Variants in PM20D1 observed in about 807,000 individuals in gnomAD.
PM20D1 encodes the protein N-fatty-acyl-amino acid synthase/hydrolase PM20D1.
A neutral mutation model predicts 53.8 loss-of-function variants in PM20D1; 53 were observed. The observed-to-expected ratio is 0.98, with a 90% CI of 0.79 to 1.24. PM20D1 has a LOEUF of 1.24. Ranked by LOEUF, PM20D1 falls within the 50% of genes most tolerant of loss-of-function variation. The pLI, the probability that PM20D1 is intolerant of heterozygous loss-of-function variation, is 0.00. For synonymous variants in PM20D1, 239 were observed against 241.3 expected (o/e 0.99, Z 0.09); for missense variants, 564 against 616.8 (o/e 0.91, Z 0.91).
At position 205,828,472 on chromosome 1, in the gene PM20D1, G is replaced by C. The variant is rs1011156039; in HGVS notation, c.*148C>G. ...GCTGACTTTACCTTACCCCGGCCTT[G>C]TTCTTGGGAGAGTTTAAGAGTGAGC... On this transcript the variant is annotated 3_prime_UTR_variant, in exon 13 of 13. Transcript: ENST00000367136. 8.5e-7 allele frequency: 1 copy of C among 1,182,006 alleles called. No homozygotes were observed. Among genetic ancestry groups the C allele is most frequent in the African/African-American group, 1.5e-5 (1 of 64,624 alleles). 73.2% of individuals were successfully genotyped at this position (1,182,006 alleles called of 1,614,324 possible). A position where few individuals can be genotyped will look rare whatever the true frequency, so the allele number is the denominator to read the frequency against.
intron 10 of PM20D1, among the ~76,000 whole-genome samples, chr1:205,839,166 C>T (rs556982715): frequency 7.9e-5 from 12 of 152,330 alleles, no homozygotes; most frequent in East Asian, 5.8e-4. Context: ...ACTCCATTTC[C>T]TATCAGTTTT....
rs1481520422 is a variant in PM20D1 at position 205,845,559 on chromosome 1, T to A, written c.257-2A>T. 1.2e-6 allele frequency: 2 copies of A among 1,610,392 alleles called. No homozygotes were observed. The highest frequency in any genetic ancestry group is 1.7e-5 in the Admixed American group (1 of 59,532). On this transcript the variant is annotated splice_acceptor_variant, in intron 2 of 12. Coordinates refer to ENST00000367136, the MANE Select transcript of PM20D1 (RefSeq NM_152491.5). LOFTEE classifies it high-confidence loss of function. Reference sequence around the variant, plus strand: ...TGGTGCTGACCACTGTAGGAAAGACTAGAAGCAAAAAGGGCAGGAAGAGAG... The same window carrying A: ...TGGTGCTGACCACTGTAGGAAAGACAAGAAGCAAAAAGGGCAGGAAGAGAG...
chr1:205,829,462 A>G (rs1434841652), intron 12 of PM20D1, among the ~76,000 whole-genome samples: 3 of 152,176 alleles, frequency 2.0e-5, no homozygotes, highest in African/African-American at 7.2e-5. Context: ...GTGCCTACCC[A>G]GTTTTCTGTG....
intron 2 of PM20D1, among the ~76,000 whole-genome samples, chr1:205,846,374 A>C (rs1426720948): frequency 6.6e-6 from 1 of 151,674 alleles, no homozygotes; most frequent in Non-Finnish European, 1.5e-5. Context: ...TGACACAGCA[A>C]GACTCCAACT....
rs144679258 is a variant in PM20D1 at position 205,844,705 on chromosome 1, G to A, written c.576+106C>T. ...CACACGGAGAAGTTGGCAAACTACC[G>A]TATCATGGAGACCTTGCTGCTGTGG... On this transcript the variant is annotated intron_variant, in intron 4 of 12. Coordinates refer to ENST00000367136, the MANE Select transcript of PM20D1 (RefSeq NM_152491.5). 7.5e-5 allele frequency: 74 copies of A among 983,112 alleles called. No homozygotes were observed. In the African/African-American group the frequency reaches 8.4e-4, roughly 11 times the overall value. 60.9% of individuals were successfully genotyped at this position (983,112 alleles called of 1,614,324 possible). A position where few individuals can be genotyped will look rare whatever the true frequency, so the allele number is the denominator to read the frequency against.
chr1:205,842,380 G>A (rs1220663494), intron 7 of PM20D1, among the ~76,000 whole-genome samples, 165 bp from the exon 8 acceptor site: 1 of 152,186 alleles, frequency 6.6e-6, no homozygotes, highest in East Asian at 1.9e-4. Context: ...GGAATAGGGA[G>A]GCAATTACTG....
intron 9 of PM20D1, among the ~76,000 whole-genome samples, chr1:205,841,344 G>A (rs553467521): frequency 1.3e-5 from 2 of 152,262 alleles, no homozygotes; most frequent in Non-Finnish European, 1.5e-5. Context: ...CAACCTCTTT[G>A]TGCCTCTGTT....
At chr1:205,838,053 C>T (rs144668020) in intron 10 of PM20D1, among the ~76,000 whole-genome samples, 128 of 152,178 alleles carry the variant, frequency 8.4e-4, no homozygotes, top group Middle Eastern at 3.4e-3. Context: ...ACCTTCTCCC[C>T]GCTCTACAAT....
chr1:205,847,184 C>T (rs1657009656), intron 2 of PM20D1, among the ~76,000 whole-genome samples: 1 of 114,462 alleles, frequency 8.7e-6, no homozygotes, highest in Non-Finnish European at 1.7e-5. Context: ...CATGGCTAAT[C>T]CCAGAGCCAT....
intron 2 of PM20D1, 100 bp from the exon 3 acceptor site, chr1:205,845,657 T>A: frequency 4.2e-6 from 4 of 955,536 alleles, no homozygotes; most frequent in Non-Finnish European, 6.2e-6. Flanking sequence ...TTTATTTTTT[T>A]AAACATGCAT....
rs536916938 is a variant in PM20D1 at position 205,850,100 on chromosome 1, T to C, written c.-28A>G. On this transcript the variant is annotated 5_prime_UTR_variant, in exon 1 of 13. Transcript: ENST00000367136. ...TTCTCTCGAGCTCCTGCTGTCAGGC[T>C]ACCGGGGTAGTTCTGACCTAAACGC... The C allele has an allele frequency of 2.6e-5, 42 of 1,605,446 alleles. No individual in the cohort carries two copies. In the African/African-American group the frequency reaches 5.2e-4, roughly 20 times the overall value.
intron 10 of PM20D1, among the ~76,000 whole-genome samples, chr1:205,836,800 G>C (rs1463301640): frequency 6.6e-5 from 10 of 152,086 alleles, no homozygotes; most frequent in Admixed American, 6.6e-4. Context: ...ACTATGCCTG[G>C]CCCTGCCTCT....
intron 4 of PM20D1, 49 bp downstream of exon 4, chr1:205,844,762 C>T: frequency 6.4e-7 from 1 of 1,559,222 alleles, no homozygotes; most frequent in Non-Finnish European, 8.8e-7. Context: ...CACCCACTCC[C>T]CTACCCTCAA....
At chr1:205,831,971 T>C (rs572906701) in intron 11 of PM20D1, among the ~76,000 whole-genome samples, 1 of 152,312 alleles carries the variant, frequency 6.6e-6, no homozygotes, top group South Asian at 2.1e-4. Flanking sequence ...AAAAGGCAAA[T>C]TCCAGGGTCC....
chr1:205,832,430 G>A (rs368597541), intron 11 of PM20D1, among the ~76,000 whole-genome samples, 168 bp downstream of exon 11: 2 of 145,304 alleles, frequency 1.4e-5, no homozygotes, highest in East Asian at 2.0e-4. Context: ...TCCTGTTTGC[G>A]TTCTCACTTC....
chr1:205,831,628 G>A (rs1349036700), intron 11 of PM20D1, among the ~76,000 whole-genome samples: 2 of 147,756 alleles, frequency 1.4e-5, no homozygotes, highest in Non-Finnish European at 3.0e-5. Context: ...CAGTGGGGCT[G>A]TCTCGGCTTA....
At position 205,842,862 on chromosome 1, in the gene PM20D1, GTC is replaced by G. The variant is rs1382652337; in HGVS notation, c.828-113_828-112del. The G allele has an allele frequency of 4.5e-6, 4 of 883,670 alleles. No homozygotes were observed. In the Admixed American group the frequency reaches 7.9e-5, roughly 18 times the overall value. 54.7% of individuals were successfully genotyped at this position (883,670 alleles called of 1,614,324 possible). ...AAGTTTCAACGCTCCTGGCCAAGAG[GTC>G]TCTCATTCACCTCCCTCCCACCTCC... On this transcript the variant is annotated intron_variant, in intron 6 of 12. Coordinates refer to ENST00000367136, the MANE Select transcript of PM20D1 (RefSeq NM_152491.5).
Position 205,844,207 on chromosome 1 carries a change from G to C in PM20D1, c.587C>G (p.Thr196Arg). The change falls in exon 5 of 13, where the codon ACA becomes AGA. Residue 196 changes from threonine to arginine, a missense_variant. Transcript: ENST00000367136. ...SLGHDEESSG[T>R]GAQRISALLQ... ...CAGGGCTGAGATCCTCTGAGCCCCTGTCCCTGATGACTGCAGACATGGAAC... is the reference window on the plus strand; with the variant it reads ...CAGGGCTGAGATCCTCTGAGCCCCTCTCCCTGATGACTGCAGACATGGAAC... 6.2e-7 allele frequency: 1 copy of C among 1,610,750 alleles called. No homozygotes were observed.
At chr1:205,831,752 C>T (rs943191839) in intron 11 of PM20D1, among the ~76,000 whole-genome samples, 11 of 151,888 alleles carry the variant, frequency 7.2e-5, no homozygotes, top group African/African-American at 1.5e-4. Flanking sequence ...TTAGTAGAGA[C>T]GAGGTTTCAC....
Sources: allele counts gnomAD v4.1 joint callset (sites outside exome capture counted in the v4.1 genomes callset), GRCh38; gene constraint gnomAD v4.1.1; transcripts MANE v1.5; gene names NCBI Gene and HGNC (gene_info 2026-07-23, HGNC 2026-07-21).